COMMD10: variants seen among roughly 807,000 people sequenced by gnomAD.
COMMD10 encodes COMM domain containing 10.
Under a neutral mutation model 28.9 loss-of-function variants are expected in COMMD10, and 33 were observed. The ratio of observed to expected loss-of-function variants is 1.14; its 90% CI spans 0.87 to 1.53. The LOEUF is 1.53. Among genes scored for constraint, COMMD10 ranks in the 40% most tolerant of loss-of-function variants. The pLI, the probability that COMMD10 is intolerant of heterozygous loss-of-function variation, is 0.00. For synonymous variants in COMMD10, 110 were observed against 81.7 expected, an observed-to-expected ratio of 1.35 and a Z score of -1.87; for missense variants, 310 against 233.4, an observed-to-expected ratio of 1.33 and a Z score of -2.14.
rs114675413 is a variant in COMMD10, at chr5:116,087,442, G to C, written c.42-55G>C. 593 of 995,936 alleles carry C rather than the reference G, an allele frequency of 6.0e-4. 1 individual carries two copies. The highest frequency in any genetic ancestry group is 4.4e-3 in the African/African-American group (278 of 63,114). The allele number at this position is 995,936 out of a possible 1,614,324, so 61.7% of individuals were successfully genotyped here. On this transcript the variant is annotated intron_variant, in intron 1 of 6. Transcript: ENST00000274458. ...GAAAACTTATAGACAACTATAGAAA[G>C]TGCAGTTCAACTTGGAAAACTCATT... is the stretch of plus-strand genomic sequence containing the variant.
intron 5 of COMMD10, among the ~76,000 whole-genome samples, chr5:116,274,512 C>G (rs1464247580): frequency 6.6e-6 from 1 of 151,832 alleles, no homozygotes; most frequent in Non-Finnish European, 1.5e-5. Flanking sequence ...TGCGGACTAT[C>G]AATCCCTGAG....
intron 5 of COMMD10, among the ~76,000 whole-genome samples, chr5:116,250,092 C>T (rs1750065548): frequency 6.6e-6 from 1 of 151,668 alleles, no homozygotes; most frequent in South Asian, 2.1e-4. Flanking sequence ...TCTGTTCATT[C>T]TCTGTTTTGA....
intron 4 of COMMD10, among the ~76,000 whole-genome samples, chr5:116,098,680 G>C (rs1045419384): frequency 5.9e-5 from 9 of 152,076 alleles, no homozygotes; most frequent in Non-Finnish European, 8.8e-5. Flanking sequence ...TGTCTGTAGG[G>C]GGTCCTGGAA....
At chr5:116,116,981 T>G (rs1321521169) in intron 4 of COMMD10, among the ~76,000 whole-genome samples, 3 of 152,230 alleles carry the variant, frequency 2.0e-5, no homozygotes, top group Non-Finnish European at 2.9e-5. Context: ...CCTCACTTTT[T>G]TATTTCTGTC....
chr5:116,147,089 C>G (rs112957725), intron 5 of COMMD10, among the ~76,000 whole-genome samples: 133 of 151,808 alleles, frequency 8.8e-4, no homozygotes, highest in African/African-American at 3.0e-3. Context: ...TGGGTGTTTT[C>G]TTTTTGCATA....
At position 116,163,702 on chromosome 5, in the gene COMMD10, T is replaced by C. The variant is rs145789718; in HGVS notation, c.510+29524T>C. 9.0e-3 allele frequency among the ~76,000 whole-genome samples: 1,376 copies of C among 152,324 alleles called. 24 individuals carry two copies. The highest frequency in any genetic ancestry group is 0.031 in the African/African-American group (1,307 of 41,580). ...GGGTTAATTTTATGGTATGGCATTATTGAATTAGTCAGAGATTATTCTTTT... is the reference window on the plus strand; with the variant it reads ...GGGTTAATTTTATGGTATGGCATTACTGAATTAGTCAGAGATTATTCTTTT... On this transcript the variant is annotated intron_variant, in intron 5 of 6. Transcript: ENST00000274458.
At chr5:116,212,070 T>C (rs1170823489) in intron 5 of COMMD10, among the ~76,000 whole-genome samples, 1 of 152,170 alleles carries the variant, frequency 6.6e-6, no homozygotes, top group Non-Finnish European at 1.5e-5. Context: ...CAGTAAACTA[T>C]TACCATCTGT....
intron 5 of COMMD10, among the ~76,000 whole-genome samples, chr5:116,177,429 A>G (rs1753552096): frequency 6.6e-6 from 1 of 151,968 alleles, no homozygotes; most frequent in Non-Finnish European, 1.5e-5. Flanking sequence ...CTCCTAATTT[A>G]TCTTCCTGCC....
intron 5 of COMMD10, among the ~76,000 whole-genome samples, chr5:116,152,476 ATTT>A (rs2112554344): frequency 6.6e-6 from 1 of 152,190 alleles, no homozygotes; most frequent in African/African-American, 2.4e-5. Context: ...ATCATCCTCA[ATTT>A]TAATACTTTG....
At chr5:116,130,961 G>A (rs1295860117) in intron 4 of COMMD10, among the ~76,000 whole-genome samples, 2 of 151,940 alleles carry the variant, frequency 1.3e-5, no homozygotes, top group African/African-American at 4.8e-5. Flanking sequence ...TATATATTTT[G>A]AGTAGTATTT....
intron 5 of COMMD10, among the ~76,000 whole-genome samples, chr5:116,167,519 G>T (rs951008659): frequency 1.3e-5 from 2 of 152,138 alleles, no homozygotes. Context: ...TCCTCGAGAA[G>T]AGCAACCCCA....
intron 5 of COMMD10, among the ~76,000 whole-genome samples, chr5:116,255,534 A>G (rs1014078938): frequency 2.0e-5 from 3 of 151,340 alleles, no homozygotes; most frequent in African/African-American, 4.9e-5. Context: ...AGCAGACTCT[A>G]TTTTCAAGAG....
rs1188598687 is a variant in COMMD10 at position 116,291,538 on chromosome 5, G to T, written c.532G>T (p.Glu178Ter). ...ACAGAGCCTGGAGAAAGTTCTTGTG[G>T]AATTCAGTCACAAGGAGTTGTTTGA... The part of the protein sequence containing the change: ...DSKSLEKVLV[E>*]FSHKELFDFY... Residue 178 changes from glutamate (E) to a stop codon, truncating the protein, a stop_gained, in exon 6 of 7, where the codon GAA (glutamate) becomes TAA (stop). Transcript: ENST00000274458. LOFTEE classifies it high-confidence loss of function. The T allele has an allele frequency of 1.0e-5, 16 of 1,602,282 alleles. No homozygotes were observed. The South Asian group carries it at 1.0e-4, about 10-fold the overall frequency.
At chr5:116,275,778 A>G (rs1170122136) in intron 5 of COMMD10, among the ~76,000 whole-genome samples, 2 of 151,724 alleles carry the variant, frequency 1.3e-5, no homozygotes, top group Non-Finnish European at 2.9e-5. Context: ...ACAAAGTTGT[A>G]TGTAGAACAT....
At chr5:116,178,104 AG>A (rs1224806458) in intron 5 of COMMD10, among the ~76,000 whole-genome samples, 7 of 152,194 alleles carry the variant, frequency 4.6e-5, no homozygotes, top group Admixed American at 4.6e-4. Context: ...CCTAATGTTT[AG>A]GTATTTAGCT....
intron 5 of COMMD10, among the ~76,000 whole-genome samples, chr5:116,149,360 G>GGTAT (rs1752440604): frequency 7.1e-6 from 1 of 140,984 alleles, no homozygotes; most frequent in East Asian, 2.0e-4. Flanking sequence ...TAGTCCTTTG[G>GGTAT]GTATATACCG....
chr5:116,230,732 G>A (rs1199087920), intron 5 of COMMD10, among the ~76,000 whole-genome samples: 1 of 151,728 alleles, frequency 6.6e-6, no homozygotes, highest in Non-Finnish European at 1.5e-5. Context: ...ATAATTTTAA[G>A]AAAATTGATA....
At chr5:116,263,957 A>G (rs904103370) in intron 5 of COMMD10, among the ~76,000 whole-genome samples, 1 of 151,730 alleles carries the variant, frequency 6.6e-6, no homozygotes, top group Non-Finnish European at 1.5e-5. Context: ...AATCTCTTCA[A>G]ATGTTTTACG....
At chr5:116,116,077 T>C (rs1580457191) in intron 4 of COMMD10, among the ~76,000 whole-genome samples, 2 of 152,160 alleles carry the variant, frequency 1.3e-5, no homozygotes. Context: ...TAAACTATTA[T>C]ATAGTGAAAC....
Sources: allele counts gnomAD v4.1 joint callset (sites outside exome capture counted in the v4.1 genomes callset), GRCh38; gene constraint gnomAD v4.1.1; transcripts MANE v1.5; gene names NCBI Gene and HGNC (gene_info 2026-07-23, HGNC 2026-07-21).